C3orf49: variants seen among roughly 807,000 people sequenced by gnomAD.
The protein encoded by C3orf49 is putative uncharacterized protein C3orf49.
C3orf49 carries 27 observed loss-of-function variants against 13.3 expected under a neutral mutation model. That is an observed-to-expected ratio of 2.02 (90% CI 1.49 to 2.79). C3orf49 has a LOEUF of 2.79. Among genes scored for constraint, C3orf49 ranks in the 30% most tolerant of loss-of-function variants. C3orf49 has a pLI of 0.00. For missense variants in C3orf49, 242 were observed against 134.2 expected (o/e 1.80, Z -3.97); for synonymous variants, 87 against 47.6 (o/e 1.83, Z -3.40).
intron 5 of C3orf49, among the ~76,000 whole-genome samples, chr3:63,834,643 G>A (rs1055154372): frequency 6.7e-6 from 1 of 149,994 alleles, no homozygotes; most frequent in Non-Finnish European, 1.5e-5. Flanking sequence ...CTGGGTGACA[G>A]AGCAAGACTG....
In C3orf49 at chr3:63,840,044, G is replaced by C. The variant is rs1415399227; in HGVS notation, c.850-4979G>C. On this transcript the variant is annotated intron_variant, in intron 5 of 6. Coordinates refer to ENST00000295896, the MANE Select transcript of C3orf49 (RefSeq NM_001355236.2). ...CTATTGTGTGTCAGGTACTATTCTA[G>C]GGGCTGGAGTAATAGCAGTGAAAAG... is the stretch of plus-strand genomic sequence containing the variant. 2.6e-5 allele frequency among the ~76,000 whole-genome samples: 4 copies of C among 152,108 alleles called. No homozygotes were observed. In the South Asian group the frequency reaches 8.3e-4, roughly 32 times the overall value.
chr3:63,792,326 T>C, the C3orf49 span, among the ~76,000 whole-genome samples: 1 of 152,252 alleles, frequency 6.6e-6, no homozygotes, highest in South Asian at 2.1e-4. Flanking sequence ...TTAAAGCTTT[T>C]CTTAAAATCA....
At chr3:63,834,705 A>G (rs1276955947) in intron 5 of C3orf49, among the ~76,000 whole-genome samples, 1 of 152,046 alleles carries the variant, frequency 6.6e-6, no homozygotes, top group East Asian at 1.9e-4. Flanking sequence ...CTATTCTTTA[A>G]AACAATCAGA....
At chr3:63,811,045 G>A in the C3orf49 span, among the ~76,000 whole-genome samples, 2 of 152,058 alleles carry the variant, frequency 1.3e-5, no homozygotes, top group Non-Finnish European at 2.9e-5. Context: ...ATGAGATTTT[G>A]CCATGTTGCC....
intron 5 of C3orf49, among the ~76,000 whole-genome samples, chr3:63,836,529 G>A (rs972973568): frequency 2.0e-5 from 3 of 151,822 alleles, no homozygotes; most frequent in East Asian, 3.9e-4. Context: ...TAATTATAAC[G>A]ATACATAACA....
intron 5 of C3orf49, among the ~76,000 whole-genome samples, chr3:63,842,338 A>T: frequency 6.6e-6 from 1 of 152,212 alleles, no homozygotes. Context: ...ATGTGGAGAA[A>T]GCAGAACCCT....
In C3orf49 at chr3:63,838,148, T is replaced by C. The variant is rs1009367120; in HGVS notation, c.849+6304T>C. ...TAAAACGCATTTATAAATTAACCTC[T>C]ATTGGTAACAAAATAGACACTAGTA... On this transcript the variant is annotated intron_variant, in intron 5 of 6. Transcript: ENST00000295896. 25 of 1,278,650 alleles carry C rather than the reference T, an allele frequency of 2.0e-5. No individual in the cohort carries two copies. In the Admixed American group the frequency reaches 2.8e-4, roughly 14 times the overall value. The allele number at this position is 1,278,650 out of a possible 1,614,324, so 79.2% of individuals were successfully genotyped here.
chr3:63,784,965 T>C, the C3orf49 span: 2 of 151,998 alleles, frequency 1.3e-5, no homozygotes, highest in Non-Finnish European at 1.5e-5. Flanking sequence ...TCTTTAATGC[T>C]GCAGATCTCG....
At position 63,831,806 on chromosome 3, in the gene C3orf49, A is replaced by C; in HGVS notation, c.811A>C (p.Ile271Leu). 1.4e-6 allele frequency: 1 copy of C among 701,158 alleles called. No individual in the cohort carries two copies. The highest frequency in any genetic ancestry group is 2.6e-6 in the Non-Finnish European group (1 of 384,576). 43.4% of individuals were successfully genotyped at this position (701,158 alleles called of 1,614,324 possible). ...TCAGTCTTCTAAACAGTTCCAGAGG[A>C]TATCCAAGAGAACCATGAGGAAGTA... ...ILQSSKQFQR[I>L]SKRTMRKYKL... The change falls in exon 5 of 7, where the codon ATA becomes CTA. Residue 271 changes from isoleucine (I) to leucine (L), a missense_variant. Transcript: ENST00000295896.
the C3orf49 span, among the ~76,000 whole-genome samples, chr3:63,782,034 C>T: frequency 3.3e-5 from 5 of 152,288 alleles, no homozygotes; most frequent in East Asian, 9.7e-4. Context: ...GTGCTCTTAT[C>T]CTTCTGTAAG....
chr3:63,818,682 A>ACTCAAACC (rs1208987620), upstream of C3orf49, among the ~76,000 whole-genome samples: 7 of 152,154 alleles, frequency 4.6e-5, no homozygotes, highest in Non-Finnish European at 1.0e-4. Context: ...TGACTGAACA[A>ACTCAAACC]CTCAAACCGC....
At chr3:63,838,570 A>G (rs1701684905) in intron 5 of C3orf49, 1 of 1,406,106 alleles carries the variant, frequency 7.1e-7, no homozygotes, top group South Asian at 1.4e-5. Context: ...TATAATGCAG[A>G]CAAATATTTG....
At chr3:63,829,445 G>A (rs1701504923) in intron 3 of C3orf49, among the ~76,000 whole-genome samples, 1 of 152,044 alleles carries the variant, frequency 6.6e-6, no homozygotes. Flanking sequence ...AGATTTAAGT[G>A]GAAAAGGCAA....
chr3:63,846,344 A>G (rs1239047529), intron 6 of C3orf49: 1 of 248,226 alleles, frequency 4.0e-6, no homozygotes, highest in Non-Finnish European at 8.3e-6. Context: ...ATTTTCCTAA[A>G]CCTAGAGAAA....
intron 5 of C3orf49, among the ~76,000 whole-genome samples, chr3:63,837,074 A>G (rs547131189): frequency 1.4e-4 from 22 of 152,206 alleles, no homozygotes; most frequent in South Asian, 6.2e-4. Flanking sequence ...AAAAGAGGAA[A>G]TTAAGCTTCA....
At chr3:63,840,902 T>A (rs921779323) in intron 5 of C3orf49, among the ~76,000 whole-genome samples, 1 of 152,220 alleles carries the variant, frequency 6.6e-6, no homozygotes, top group Non-Finnish European at 1.5e-5. Flanking sequence ...AAAAACACAC[T>A]ACCATTCTGA....
At chr3:63,796,044 CAG>C in the C3orf49 span, among the ~76,000 whole-genome samples, 1 of 152,094 alleles carries the variant, frequency 6.6e-6, no homozygotes. Context: ...TGTGATAATG[CAG>C]AGACAGTAAA....
chr3:63,818,881 C>T (rs1268484453), upstream of C3orf49, among the ~76,000 whole-genome samples: 1 of 152,186 alleles, frequency 6.6e-6, no homozygotes. Flanking sequence ...ATGAAAACCA[C>T]CCTTGGGGTA....
the C3orf49 span, among the ~76,000 whole-genome samples, chr3:63,791,716 A>G: frequency 5.9e-5 from 9 of 152,356 alleles, no homozygotes; most frequent in South Asian, 1.9e-3. Context: ...ATGAATTGCC[A>G]TGCTATATTC....
Sources: gnomAD v4.1 joint callset for allele counts (sites outside exome capture counted in the v4.1 genomes callset) on GRCh38, gnomAD v4.1.1 for gene constraint, MANE v1.5 for transcripts, NCBI Gene and HGNC (gene_info 2026-07-23, HGNC 2026-07-21) for gene names.